FAM13A: variants seen among roughly 807,000 people sequenced by gnomAD.
FAM13A encodes the protein family with sequence similarity 13 member A, also known as protein FAM13A.
In FAM13A, 76 loss-of-function variants were observed where a neutral mutation model predicts 129.6. The observed-to-expected ratio is 0.59, with a 90% CI of 0.49 to 0.71. The LOEUF (loss-of-function observed/expected upper bound fraction) is 0.71. FAM13A is among the 30% of genes least tolerant of loss of function. FAM13A has a pLI of 0.00. For missense variants in FAM13A, 1,108 were observed against 1,249.3 expected, an observed-to-expected ratio of 0.89 and a Z score of 1.70; for synonymous variants, 443 against 449.9, an observed-to-expected ratio of 0.98 and a Z score of 0.20.
chr4:88,768,043 T>C lies in FAM13A; in HGVS notation c.1475A>G (p.Asn492Ser). 1.2e-6 allele frequency: 2 copies of C among 1,605,476 alleles called. No homozygotes were observed. The highest frequency in any genetic ancestry group is 1.7e-6 in the Non-Finnish European group (2 of 1,172,564). ...QDGLVNMESL[N>S]STRSHERTGP... The stretch of plus-strand genomic sequence containing the variant: ...AGTTCTCTCATGAGATCGTGTGGAA[T>C]TGAGACTTTCCATATTCTGTAACAG... The change falls in exon 12 of 24, where the codon AAT becomes AGT. Residue 492 changes from asparagine (N) to serine (S), a missense_variant. Asn to Ser is a conservative substitution (Grantham distance 46). Coordinates refer to ENST00000264344, the MANE Select transcript of FAM13A (RefSeq NM_014883.4).
In FAM13A at chr4:88,731,301, G is replaced by T. The variant is rs754190300; in HGVS notation, c.2945+26C>A. On this transcript the variant is annotated intron_variant, in intron 23 of 23. Transcript: ENST00000264344. ...TGTGTGTGGTGCGGCGGGGGGGAAG[G>T]GAGGGTGGGGGAAGACAGGCACTAC... 6 of 1,332,630 alleles carry T rather than the reference G, an allele frequency of 4.5e-6. No homozygotes were observed. In the East Asian group the frequency reaches 1.4e-4, roughly 31 times the overall value. 82.6% of individuals were successfully genotyped at this position (1,332,630 alleles called of 1,614,324 possible).
intron 5 of FAM13A, among the ~76,000 whole-genome samples, chr4:88,908,412 A>G (rs1020193501): frequency 6.6e-6 from 1 of 152,236 alleles, no homozygotes; most frequent in Non-Finnish European, 1.5e-5. Flanking sequence ...AAAAGAAACA[A>G]GGCTGACTGT....
In FAM13A at chr4:88,851,201, G is replaced by C. The variant is rs748136298; in HGVS notation, c.844-18C>G. 5.9e-6 allele frequency: 9 copies of C among 1,530,042 alleles called. No individual in the cohort carries two copies. Among genetic ancestry groups the C allele is most frequent in the Non-Finnish European group, 8.9e-7 (1 of 1,129,128 alleles). The allele number at this position is 1,530,042 out of a possible 1,614,324, so 94.8% of individuals were successfully genotyped here. On this transcript the variant is annotated intron_variant, in intron 6 of 23. Transcript: ENST00000264344. Reference sequence around the variant, plus strand: ...TTTGGGATCTAGAAGAAAAAAAAAAGAGGGGTGGGGGAGAGCTAGATAAAT... The same window carrying C: ...TTTGGGATCTAGAAGAAAAAAAAAACAGGGGTGGGGGAGAGCTAGATAAAT...
chr4:88,747,229 C>A (rs575272341), intron 18 of FAM13A, among the ~76,000 whole-genome samples: 1 of 152,124 alleles, frequency 6.6e-6, no homozygotes. Flanking sequence ...ACCTGGATCT[C>A]CCTCACGGCA....
chr4:89,007,743 T>C (rs1765241639), intron 3 of FAM13A, among the ~76,000 whole-genome samples: 1 of 152,214 alleles, frequency 6.6e-6, no homozygotes, highest in African/African-American at 2.4e-5. Flanking sequence ...TTGAAATCTA[T>C]TGGAATGGAG....
At chr4:88,823,227 A>T (rs1732386476) in intron 7 of FAM13A, 5 of 1,385,572 alleles carry the variant, frequency 3.6e-6, no homozygotes, top group Admixed American at 3.3e-5. Context: ...GCTTCTCTAC[A>T]TTTACACTGC....
chr4:88,983,920 T>G (rs971551397), intron 4 of FAM13A, among the ~76,000 whole-genome samples: 1 of 152,154 alleles, frequency 6.6e-6, no homozygotes, highest in Non-Finnish European at 1.5e-5. Flanking sequence ...AGCTATAGAA[T>G]TATCAAAATA....
At chr4:88,956,901 C>T (rs940088555) in intron 4 of FAM13A, among the ~76,000 whole-genome samples, 1 of 152,148 alleles carries the variant, frequency 6.6e-6, no homozygotes, top group East Asian at 1.9e-4. Context: ...TGAATTATAA[C>T]CCCAAATGTT....
At chr4:88,841,208 T>A (rs57776775) in intron 7 of FAM13A, among the ~76,000 whole-genome samples, 10,666 of 152,128 alleles carry the variant, frequency 0.07, 530 homozygotes, top group African/African-American at 0.14. Flanking sequence ...CTATCAAAAA[T>A]TTGAAAAGCA....
At chr4:88,752,666 G>A (rs146169014) in intron 14 of FAM13A, among the ~76,000 whole-genome samples, 2 of 152,112 alleles carry the variant, frequency 1.3e-5, no homozygotes, top group South Asian at 2.1e-4. Context: ...CCTCCTAAGT[G>A]GTAGGACTTG....
intron 1 of FAM13A, among the ~76,000 whole-genome samples, chr4:89,037,941 A>G (rs575521433): frequency 3.9e-5 from 6 of 152,320 alleles, no homozygotes; most frequent in African/African-American, 1.4e-4. Context: ...CCAGGAGACA[A>G]TTAAACCTCT....
chr4:89,031,346 C>T (rs1165901052), intron 1 of FAM13A, among the ~76,000 whole-genome samples: 1 of 152,152 alleles, frequency 6.6e-6, no homozygotes, highest in African/African-American at 2.4e-5. Flanking sequence ...ATTTTATCTG[C>T]TTACACAGAG....
At chr4:88,881,614 C>T in intron 6 of FAM13A, among the ~76,000 whole-genome samples, 1 of 151,982 alleles carries the variant, frequency 6.6e-6, no homozygotes, top group East Asian at 1.9e-4. Context: ...AGGAATTGAT[C>T]CAAAACAAGA....
intron 8 of FAM13A, among the ~76,000 whole-genome samples, chr4:88,797,015 CTT>C (rs1019676236): frequency 2.0e-5 from 3 of 152,032 alleles, no homozygotes; most frequent in Admixed American, 6.6e-5. Flanking sequence ...AAAAAAACCT[CTT>C]GACACCTGCT....
intron 7 of FAM13A, among the ~76,000 whole-genome samples, chr4:88,820,973 A>G (rs1167524044): frequency 6.6e-6 from 1 of 151,946 alleles, no homozygotes; most frequent in East Asian, 1.9e-4. Context: ...GGAACAAAGC[A>G]CTCCTTCCAA....
intron 14 of FAM13A, among the ~76,000 whole-genome samples, chr4:88,755,585 G>T (rs114896739): frequency 4.9e-4 from 75 of 152,286 alleles, no homozygotes; most frequent in Non-Finnish European, 9.7e-4. Flanking sequence ...ACATTGTTTA[G>T]AAAGAGGCAT....
intron 4 of FAM13A, among the ~76,000 whole-genome samples, chr4:88,985,548 C>A (rs889363946): frequency 2.0e-5 from 3 of 152,082 alleles, no homozygotes; most frequent in Non-Finnish European, 4.4e-5. Context: ...AAAATTTTTG[C>A]GAAATCCTCT....
chr4:88,893,819 T>A (rs1400734475), intron 6 of FAM13A, among the ~76,000 whole-genome samples: 1 of 97,802 alleles, frequency 1.0e-5, no homozygotes, highest in African/African-American at 4.1e-5. Context: ...GGAGCGAGAC[T>A]CCGTCTCAAA....
At chr4:88,841,793 G>A (rs1442239559) in intron 7 of FAM13A, among the ~76,000 whole-genome samples, 1 of 152,122 alleles carries the variant, frequency 6.6e-6, no homozygotes, top group Non-Finnish European at 1.5e-5. Context: ...AGTGAAACTG[G>A]AACCATCAAA....
Sources: gnomAD v4.1 joint callset for allele counts (sites outside exome capture counted in the v4.1 genomes callset) on GRCh38, gnomAD v4.1.1 for gene constraint, MANE v1.5 for transcripts, NCBI Gene and HGNC (gene_info 2026-07-23, HGNC 2026-07-21) for gene names.